The following SUGCT variants were observed in gnomAD, a reference collection of about 807,000 sequenced individuals.
The protein encoded by SUGCT is succinyl-CoA:glutarate-CoA transferase, also known as succinyl-CoA:glutarate CoA-transferase.
SUGCT carries 41 observed loss-of-function variants against 55.0 expected under a neutral mutation model. That is an observed-to-expected ratio of 0.74 (90% CI 0.58 to 0.97). The LOEUF (loss-of-function observed/expected upper bound fraction) is 0.97, where lower values mean the gene tolerates loss of function less well. SUGCT is among the 50% of genes least tolerant of loss of function. The pLI is 0.00. For synonymous variants in SUGCT, 187 were observed against 200.4 expected, an observed-to-expected ratio of 0.93 and a Z score of 0.56; for missense variants, 568 against 547.8, an observed-to-expected ratio of 1.04 and a Z score of -0.37.
chr7:40,300,797 A>G (rs1053218003), intron 8 of SUGCT, among the ~76,000 whole-genome samples: 4 of 152,140 alleles, frequency 2.6e-5, no homozygotes, highest in African/African-American at 9.7e-5. Flanking sequence ...AAGTTAGTGA[A>G]TTTCTGAAAT....
the SUGCT span, among the ~76,000 whole-genome samples, chr7:40,915,847 A>T: frequency 6.6e-6 from 1 of 152,248 alleles, no homozygotes; most frequent in Non-Finnish European, 1.5e-5. Context: ...ATCAATGATT[A>T]CTAATGTTTC....
At chr7:40,743,757 T>C (rs944487905) in intron 12 of SUGCT, among the ~76,000 whole-genome samples, 1 of 152,170 alleles carries the variant, frequency 6.6e-6, no homozygotes, top group Non-Finnish European at 1.5e-5. Context: ...ACCCAGTCTA[T>C]TGGTAACAGG....
At chr7:40,443,255 G>C (rs1037325920) in intron 9 of SUGCT, among the ~76,000 whole-genome samples, 1 of 152,112 alleles carries the variant, frequency 6.6e-6, no homozygotes, top group Non-Finnish European at 1.5e-5. Flanking sequence ...GGATGGCTGG[G>C]TCAAATGGTA....
chr7:40,881,050 A>G, the SUGCT span, among the ~76,000 whole-genome samples: 1 of 152,230 alleles, frequency 6.6e-6, no homozygotes, highest in African/African-American at 2.4e-5. Context: ...ATAACAGAAC[A>G]TAACTTCTAC....
At chr7:40,786,724 C>G (rs957647676) in intron 13 of SUGCT, among the ~76,000 whole-genome samples, 1 of 151,592 alleles carries the variant, frequency 6.6e-6, no homozygotes, top group Non-Finnish European at 1.5e-5. Context: ...TAATCATACC[C>G]CCTCACTAAA....
At chr7:40,967,787 A>AT in the SUGCT span, among the ~76,000 whole-genome samples, 19,069 of 151,714 alleles carry the variant, frequency 0.13, 1,271 homozygotes, top group South Asian at 0.15. Context: ...CGCCCAGCTA[A>AT]TTTTTTTTGT....
At chr7:40,401,899 G>T (rs1786090918) in intron 9 of SUGCT, among the ~76,000 whole-genome samples, 1 of 152,114 alleles carries the variant, frequency 6.6e-6, no homozygotes, top group Non-Finnish European at 1.5e-5. Flanking sequence ...TCTTGACCAT[G>T]ATTCTGTTTC....
At chr7:40,414,430 C>A (rs568326733) in intron 9 of SUGCT, among the ~76,000 whole-genome samples, 1 of 152,068 alleles carries the variant, frequency 6.6e-6, no homozygotes, top group Admixed American at 6.5e-5. Flanking sequence ...GTGCTGTTTG[C>A]GGTTTCAGGC....
chr7:40,424,733 A>G (rs949033645), intron 9 of SUGCT, among the ~76,000 whole-genome samples: 1 of 152,182 alleles, frequency 6.6e-6, no homozygotes, highest in Non-Finnish European at 1.5e-5. Flanking sequence ...ATGGCAGAGC[A>G]GAGTTTGACA....
intron 10 of SUGCT, among the ~76,000 whole-genome samples, chr7:40,450,951 G>T (rs1789158923): frequency 6.6e-6 from 1 of 152,146 alleles, no homozygotes; most frequent in African/African-American, 2.4e-5. Flanking sequence ...AGATAGTTCT[G>T]ATTGCAGGAA....
At chr7:40,527,651 A>C (rs544086852) in intron 12 of SUGCT, among the ~76,000 whole-genome samples, 1 of 152,322 alleles carries the variant, frequency 6.6e-6, no homozygotes, top group South Asian at 2.1e-4. Context: ...TCATGAGGGT[A>C]TGTAGTCTTT....
At chr7:40,708,711 C>T (rs1472594382) in intron 12 of SUGCT, among the ~76,000 whole-genome samples, 1 of 152,146 alleles carries the variant, frequency 6.6e-6, no homozygotes, top group African/African-American at 2.4e-5. Flanking sequence ...CCTGAGCACT[C>T]TAGATATCCT....
the SUGCT span, among the ~76,000 whole-genome samples, chr7:40,866,465 A>G: frequency 6.6e-6 from 1 of 150,880 alleles, no homozygotes; most frequent in East Asian, 1.9e-4. Flanking sequence ...CTATCTCTAG[A>G]GGTAGAAAAA....
intron 11 of SUGCT, among the ~76,000 whole-genome samples, chr7:40,467,226 A>AG (rs59158507): frequency 3.4e-5 from 5 of 149,088 alleles, no homozygotes; most frequent in Non-Finnish European, 6.0e-5. Flanking sequence ...AAAAAAAAAA[A>AG]GCATGAAAAC....
At chr7:40,890,321 TAATATA>T in the SUGCT span, among the ~76,000 whole-genome samples, 27 of 144,756 alleles carry the variant, frequency 1.9e-4, no homozygotes, top group Non-Finnish European at 3.2e-4. Context: ...TTATGTTATA[TAATATA>T]AATATTAATA....
intron 9 of SUGCT, among the ~76,000 whole-genome samples, chr7:40,407,625 C>G (rs964617766): frequency 1.3e-5 from 2 of 151,930 alleles, no homozygotes; most frequent in African/African-American, 4.8e-5. Flanking sequence ...TTGACAATAA[C>G]TTTGTTTTTG....
At chr7:40,768,711 C>T (rs1788934106) in intron 13 of SUGCT, among the ~76,000 whole-genome samples, 1 of 152,206 alleles carries the variant, frequency 6.6e-6, no homozygotes, top group African/African-American at 2.4e-5. Flanking sequence ...TGCCATATTG[C>T]AATCCAAATG....
At chr7:40,353,412 G>A (rs1010040141) in intron 9 of SUGCT, among the ~76,000 whole-genome samples, 1 of 152,162 alleles carries the variant, frequency 6.6e-6, no homozygotes, top group Non-Finnish European at 1.5e-5. Flanking sequence ...CTCAGATAAT[G>A]TGTGTACATA....
At chr7:40,641,127 T>A (rs1443722565) in intron 12 of SUGCT, among the ~76,000 whole-genome samples, 2 of 152,238 alleles carry the variant, frequency 1.3e-5, no homozygotes, top group African/African-American at 2.4e-5. Flanking sequence ...TTGTTTCAAA[T>A]GATTTATGGG....
Sources: gnomAD v4.1 joint callset for allele counts (sites outside exome capture counted in the v4.1 genomes callset) on GRCh38, gnomAD v4.1.1 for gene constraint, MANE v1.5 for transcripts, NCBI Gene and HGNC (gene_info 2026-07-23, HGNC 2026-07-21) for gene names.